The following TRA2B variants were observed in gnomAD, a reference collection of about 807,000 sequenced individuals.
TRA2B encodes transformer-2 protein homolog beta.
TRA2B carries 14 observed loss-of-function variants against 41.7 expected under a neutral mutation model. The observed-to-expected ratio is 0.34, with a 90% CI of 0.22 to 0.53. The LOEUF is 0.53. Among genes scored for constraint, TRA2B ranks in the 20% least tolerant of loss-of-function variants. TRA2B has a pLI of 0.95. For synonymous variants in TRA2B, 130 were observed against 128.8 expected, an observed-to-expected ratio of 1.01 and a Z score of -0.06; for missense variants, 167 against 396.8, an observed-to-expected ratio of 0.42 and a Z score of 4.92.
chr3:185,921,181 G>A lies in TRA2B; in HGVS notation c.645C>T (p.Ser215=). The change falls in exon 6 of 9, where the codon AGC becomes AGT. Residue 215 remains serine, a synonymous_variant. Transcript: ENST00000453386. ...TGTCATAGTAATCCCGACGGCGAGA[G>A]CTGCCACTATGAAGAAAAAAATATT... ...GIYMGRPTYG[S]SRRRDYYDRG... is the part of the protein sequence containing the mutation. 6.2e-7 allele frequency: 1 copy of A among 1,612,974 alleles called. No homozygotes were observed. Among genetic ancestry groups the A allele is most frequent in the Non-Finnish European group, 8.5e-7 (1 of 1,179,906 alleles).
chr3:185,937,393 G>A, intron 1 of TRA2B: 1 of 1,003,556 alleles, frequency 1.0e-6, no homozygotes, highest in African/African-American at 1.7e-5. Context: ...CCCGCTGCGG[G>A]TCGGGTCCGC....
intron 1 of TRA2B, among the ~76,000 whole-genome samples, chr3:185,933,052 G>T (rs943165747): frequency 3.9e-5 from 6 of 151,992 alleles, no homozygotes; most frequent in African/African-American, 1.5e-4. Flanking sequence ...ACAGTAATTG[G>T]CTTTCTTTAA....
At chr3:185,925,076 G>C (rs1312514271) in intron 3 of TRA2B, 2 of 154,530 alleles carry the variant, frequency 1.3e-5, no homozygotes, top group African/African-American at 4.8e-5. Flanking sequence ...ACACCCAAAA[G>C]AAATTAGCTT....
chr3:185,918,657 A>G (rs144976860), intron 7 of TRA2B, among the ~76,000 whole-genome samples: 61 of 152,326 alleles, frequency 4.0e-4, no homozygotes, highest in African/African-American at 1.4e-3. Flanking sequence ...AATCCTTGCT[A>G]TATTTTAATC....
At chr3:185,926,003 A>C (rs1434344861) in intron 2 of TRA2B, among the ~76,000 whole-genome samples, 1 of 151,514 alleles carries the variant, frequency 6.6e-6, no homozygotes, top group Non-Finnish European at 1.5e-5. Context: ...AATCACAAGG[A>C]GTATTCCCCA....
intron 1 of TRA2B, chr3:185,927,839 C>T (rs890729519): frequency 1.3e-5 from 2 of 152,192 alleles, no homozygotes; most frequent in Non-Finnish European, 2.9e-5. Context: ...AGGACAGAAC[C>T]TACTCCTAGT....
chr3:185,920,410 C>T (rs1285264236), intron 6 of TRA2B, among the ~76,000 whole-genome samples: 3 of 152,246 alleles, frequency 2.0e-5, no homozygotes, highest in South Asian at 2.1e-4. Flanking sequence ...CAGGTGGGAG[C>T]GTACTTGGCT....
In TRA2B at chr3:185,937,478, G is replaced by T. The variant is rs527664536; in HGVS notation, c.36+347C>A. On this transcript the variant is annotated intron_variant, in intron 1 of 8. Transcript: ENST00000453386. ...CCCGCCAGCCCAAGATGGCTGCGGC[G>T]GACCTTCGCAGGAGAGCAACGCCGA... 8.6e-3 allele frequency: 9,184 copies of T among 1,070,196 alleles called. 50 individuals carry two copies. Among genetic ancestry groups the T allele is most frequent in the Non-Finnish European group, 9.5e-3 (8,367 of 882,302 alleles). The allele number at this position is 1,070,196 out of a possible 1,614,324, so 66.3% of individuals were successfully genotyped here.
In TRA2B at chr3:185,922,070, G is replaced by A. The variant is rs750917259; in HGVS notation, c.579C>T (p.Phe193=). The A allele has an allele frequency of 3.5e-5, 57 of 1,613,756 alleles. No individual in the cohort carries two copies. The highest frequency in any genetic ancestry group is 1.6e-4 in the Middle Eastern group (1 of 6,082). The change falls in exon 5 of 9, where the codon TTC becomes TTT. Residue 193 remains phenylalanine (F), a synonymous_variant. Transcript: ENST00000453386. ...ELDGRRIRVD[F]SITKRPHTPT... ...GCGTATGTGGTCTTTTTGTTATAGAGAAATCAACTCTGATCCTACGCCCAT... is the reference window on the plus strand; with the variant it reads ...GCGTATGTGGTCTTTTTGTTATAGAAAAATCAACTCTGATCCTACGCCCAT...
chr3:185,931,124 G>T (rs1744133304), intron 1 of TRA2B, among the ~76,000 whole-genome samples: 1 of 152,164 alleles, frequency 6.6e-6, no homozygotes, highest in Non-Finnish European at 1.5e-5. Context: ...TGGATTTTGG[G>T]GGTTTGGTTC....
intron 1 of TRA2B, among the ~76,000 whole-genome samples, chr3:185,930,435 C>A (rs893613582): frequency 6.6e-6 from 1 of 151,986 alleles, no homozygotes; most frequent in Non-Finnish European, 1.5e-5. Flanking sequence ...ATAAACAGGC[C>A]TGAAAGCATC....
intron 1 of TRA2B, chr3:185,935,572 G>A (rs1048161023): frequency 1.0e-6 from 1 of 985,310 alleles, no homozygotes; most frequent in East Asian, 1.1e-4. Context: ...AGATAAATAA[G>A]GGAGAATTCC....
intron 1 of TRA2B, chr3:185,927,738 C>T (rs1203204956): frequency 2.6e-5 from 4 of 152,086 alleles, no homozygotes; most frequent in Admixed American, 6.6e-5. Flanking sequence ...AGGTCACCAA[C>T]GAGCTAAAGA....
rs949675563 is a variant in TRA2B at position 185,937,972 on chromosome 3, C to A, written c.-112G>T. The A allele has an allele frequency of 1.4e-5, 18 of 1,313,748 alleles. No individual in the cohort carries two copies. Among genetic ancestry groups the A allele is most frequent in the South Asian group, 1.1e-4 (9 of 81,600 alleles). The allele number at this position is 1,313,748 out of a possible 1,614,324, so 81.4% of individuals were successfully genotyped here. On this transcript the variant is annotated 5_prime_UTR_variant, in exon 1 of 9. Coordinates refer to ENST00000453386, the MANE Select transcript of TRA2B (RefSeq NM_004593.3). The stretch of plus-strand genomic sequence containing the variant: ...CCGCACGACGCGCCGGTCGCCCAGC[C>A]GCTCAGAGCCGAAATGCTCCGCACC...
intron 1 of TRA2B, chr3:185,928,836 C>G (rs1265284491): frequency 6.6e-6 from 1 of 152,186 alleles, no homozygotes; most frequent in East Asian, 1.9e-4. Context: ...AAGAATGGGT[C>G]AAGTCAAGAT....
Position 185,925,617 on chromosome 3 carries a change from G to A in TRA2B, c.180C>T (p.Ser60=). The A allele has an allele frequency of 6.2e-7, 1 of 1,613,400 alleles. No homozygotes were observed. Among genetic ancestry groups the A allele is most frequent in the Non-Finnish European group, 8.5e-7 (1 of 1,179,716 alleles). Reference sequence around the variant, plus strand: ...TATAATGCCTTCGGGAGCTTCTTCTGGATCTAGACCTGCAAGACAAAGACC... The same window carrying A: ...TATAATGCCTTCGGGAGCTTCTTCTAGATCTAGACCTGCAAGACAAAGACC... ...SRSRSESRSR[S]RRSSRRHYTR... is the part of the protein sequence containing the mutation. Residue 60 remains serine, a synonymous_variant, in exon 3 of 9, where the codon TCC becomes TCT. Coordinates refer to ENST00000453386, the MANE Select transcript of TRA2B (RefSeq NM_004593.3).
intron 6 of TRA2B, among the ~76,000 whole-genome samples, chr3:185,919,835 C>A (rs773019959): frequency 3.3e-5 from 5 of 152,034 alleles, no homozygotes; most frequent in Non-Finnish European, 4.4e-5. Context: ...AAATGCTGAA[C>A]AATACACTTA....
At chr3:185,921,956 G>T in intron 5 of TRA2B, 55 bp downstream of exon 5, 1 of 1,347,948 alleles carries the variant, frequency 7.4e-7, no homozygotes, top group Non-Finnish European at 1.0e-6. Context: ...TAATACAAGT[G>T]TTTCTTTGAC....
chr3:185,918,085 A>T (rs1743572286), intron 8 of TRA2B, among the ~76,000 whole-genome samples: 1 of 152,180 alleles, frequency 6.6e-6, no homozygotes, highest in Non-Finnish European at 1.5e-5. Context: ...ACTCTGGGTA[A>T]ATGGTGGAAA....
Sources: allele counts gnomAD v4.1 joint callset (sites outside exome capture counted in the v4.1 genomes callset), GRCh38; gene constraint gnomAD v4.1.1; transcripts MANE v1.5; gene names NCBI Gene and HGNC (gene_info 2026-07-23, HGNC 2026-07-21).